CCSER2: variants seen among roughly 807,000 people sequenced by gnomAD.
CCSER2 encodes serine-rich coiled-coil domain-containing protein 2.
Under a neutral mutation model 92.3 loss-of-function variants are expected in CCSER2, and 46 were observed. The ratio of observed to expected loss-of-function variants is 0.50; its 90% CI spans 0.39 to 0.64. The LOEUF (loss-of-function observed/expected upper bound fraction) is 0.64, where lower values mean the gene tolerates loss of function less well. CCSER2 is among the 30% of genes least tolerant of loss of function. CCSER2 has a pLI of 0.00. For synonymous variants in CCSER2, 433 were observed against 431.4 expected (o/e 1.00, Z -0.04); for missense variants, 1,244 against 1,238.9 (o/e 1.00, Z -0.06).
chr10:84,402,513 A>C (rs912246476), intron 3 of CCSER2, among the ~76,000 whole-genome samples: 49 of 152,358 alleles, frequency 3.2e-4, no homozygotes, highest in African/African-American at 1.1e-3. Flanking sequence ...GCAAGGTTGA[A>C]AATCGATCAG....
intron 5 of CCSER2, among the ~76,000 whole-genome samples, chr10:84,435,656 A>C (rs1001753927): frequency 2.4e-5 from 3 of 126,820 alleles, no homozygotes; most frequent in Admixed American, 1.5e-4. Context: ...AAAAAAAAAA[A>C]CAAGAACAAC....
At chr10:84,367,925 G>A (rs1845868198) in intron 1 of CCSER2, among the ~76,000 whole-genome samples, 1 of 151,980 alleles carries the variant, frequency 6.6e-6, no homozygotes, top group Admixed American at 6.6e-5. Flanking sequence ...GGATACCTAG[G>A]TCAAGACTTC....
At chr10:84,456,097 CA>C (rs1469965323) in intron 6 of CCSER2, 4 of 392,312 alleles carry the variant, frequency 1.0e-5, no homozygotes, top group African/African-American at 8.4e-5. Flanking sequence ...TGCAGCCACA[CA>C]GGGGAGAGAA....
At chr10:84,438,766 T>C in intron 6 of CCSER2, 59 bp downstream of exon 6, 2 of 1,064,998 alleles carry the variant, frequency 1.9e-6, no homozygotes, top group Non-Finnish European at 2.7e-6. Flanking sequence ...TGGATTGACT[T>C]TAGTTTTTTT....
intron 9 of CCSER2, among the ~76,000 whole-genome samples, chr10:84,500,608 G>A (rs56050876): frequency 0.13 from 19,255 of 152,120 alleles, 1,490 homozygotes; most frequent in Admixed American, 0.23. Flanking sequence ...TTTTGTTTAT[G>A]TTAAATCTCT....
Position 84,488,830 on chromosome 10 carries a change from T to C in CCSER2, c.2325+11166T>C, listed in dbSNP as rs1847967417. On this transcript the variant is annotated intron_variant, in intron 9 of 9. Transcript: ENST00000372088. ...TCTCTAGTTCTTTTAATTGCGATGT[T>C]AGGGTGTCAATTTTAGATCTTTCCT... is the stretch of plus-strand genomic sequence containing the variant. 2.6e-5 allele frequency among the ~76,000 whole-genome samples: 4 copies of C among 152,308 alleles called. No homozygotes were observed. The South Asian group carries it at 8.3e-4, about 32-fold the overall frequency.
intron 1 of CCSER2, among the ~76,000 whole-genome samples, chr10:84,351,372 C>T (rs960030579): frequency 1.3e-5 from 2 of 152,062 alleles, no homozygotes; most frequent in Non-Finnish European, 2.9e-5. Context: ...GCTGGGATTA[C>T]AGGCATCTGC....
At chr10:84,437,954 T>C (rs1589664631) in intron 5 of CCSER2, among the ~76,000 whole-genome samples, 1 of 152,152 alleles carries the variant, frequency 6.6e-6, no homozygotes, top group East Asian at 1.9e-4. Context: ...TTAGGAAATA[T>C]GCGGTATATA....
Position 84,464,027 on chromosome 10 carries a change from G to A in CCSER2, c.2148+11G>A. On this transcript the variant is annotated intron_variant, in intron 7 of 9. Transcript: ENST00000372088. ...GATAAAGTATATAAGGTATGACTAT[G>A]TAGTCATGCTGGATTTTTCAAAATT... 1 of 1,476,644 alleles carries A rather than the reference G, an allele frequency of 6.8e-7. No individual in the cohort carries two copies. Among genetic ancestry groups the A allele is most frequent in the Non-Finnish European group, 9.4e-7 (1 of 1,068,838 alleles). 91.5% of individuals were successfully genotyped at this position (1,476,644 alleles called of 1,614,324 possible).
intron 1 of CCSER2, among the ~76,000 whole-genome samples, chr10:84,343,635 T>G (rs1437580681): frequency 9.2e-5 from 14 of 152,254 alleles, no homozygotes; most frequent in Non-Finnish European, 1.5e-5. Context: ...GATGTTGTTA[T>G]GAAGTAATTT....
chr10:84,339,926 C>T (rs1486288867), intron 1 of CCSER2, among the ~76,000 whole-genome samples: 1 of 152,128 alleles, frequency 6.6e-6, no homozygotes, highest in East Asian at 1.9e-4. Flanking sequence ...ACAGCAGCCT[C>T]CGCCTCCCAG....
intron 9 of CCSER2, among the ~76,000 whole-genome samples, chr10:84,502,685 T>C (rs1848828394): frequency 6.6e-6 from 1 of 152,034 alleles, no homozygotes; most frequent in Non-Finnish European, 1.5e-5. Flanking sequence ...TGATGACTTC[T>C]TGAACATCAG....
intron 3 of CCSER2, among the ~76,000 whole-genome samples, chr10:84,378,181 C>G (rs1318186336): frequency 1.3e-5 from 2 of 152,016 alleles, no homozygotes; most frequent in Non-Finnish European, 1.5e-5. Flanking sequence ...TATGGAAATT[C>G]TCTTTTATTT....
chr10:84,434,224 T>C (rs989375261), intron 5 of CCSER2, among the ~76,000 whole-genome samples: 2 of 152,180 alleles, frequency 1.3e-5, no homozygotes, highest in African/African-American at 4.8e-5. Context: ...CCTCCCATTC[T>C]GAGATTTATT....
chr10:84,372,598 T>C, intron 2 of CCSER2, 129 bp downstream of exon 2: 1 of 614,902 alleles, frequency 1.6e-6, no homozygotes, highest in Non-Finnish European at 2.7e-6. Context: ...TAGACAAAAT[T>C]GAGGTGGGTT....
At chr10:84,501,136 C>T (rs928760670) in intron 9 of CCSER2, among the ~76,000 whole-genome samples, 15 of 152,034 alleles carry the variant, frequency 9.9e-5, no homozygotes, top group Admixed American at 3.3e-4. Context: ...ACCTTGGTAA[C>T]TCCTCCTTCT....
intron 1 of CCSER2, among the ~76,000 whole-genome samples, chr10:84,351,938 G>T (rs1034011727): frequency 1.3e-5 from 2 of 152,156 alleles, no homozygotes; most frequent in Non-Finnish European, 2.9e-5. Context: ...TTGGTACAGT[G>T]TTCTATGGAT....
chr10:84,483,283 C>T (rs992120735), intron 9 of CCSER2, among the ~76,000 whole-genome samples: 1 of 151,646 alleles, frequency 6.6e-6, no homozygotes, highest in African/African-American at 2.4e-5. Flanking sequence ...ATCCGAGCTA[C>T]TCGGGAGGCT....
chr10:84,516,465 GT>G lies in CCSER2; in HGVS notation c.*2200del, dbSNP rs1477663602. ...ATCATTTTGAAGGAGAAAGAAAACC[GT>G]TCTCACATGTTGCAAATATGTGAAT... On this transcript the variant is annotated 3_prime_UTR_variant, in exon 10 of 10. Transcript: ENST00000372088. 1 of 152,094 alleles carries G rather than the reference GT, an allele frequency of 6.6e-6. No homozygotes were observed. The highest frequency in any genetic ancestry group is 6.6e-5 in the Admixed American group (1 of 15,264). The allele number at this position is 152,094 out of a possible 1,614,324, so 9.4% of individuals were successfully genotyped here.
Sources: allele counts gnomAD v4.1 joint callset (sites outside exome capture counted in the v4.1 genomes callset), GRCh38; gene constraint gnomAD v4.1.1; transcripts MANE v1.5; gene names NCBI Gene and HGNC (gene_info 2026-07-23, HGNC 2026-07-21).